Variants in TGFBR3 observed in about 807,000 individuals in gnomAD.
The protein encoded by TGFBR3 is transforming growth factor beta receptor type 3.
A neutral mutation model predicts 87.9 loss-of-function variants in TGFBR3; 46 were observed. The ratio of observed to expected loss-of-function variants is 0.52; its 90% CI spans 0.41 to 0.67. TGFBR3 has a LOEUF of 0.67. TGFBR3 is among the 30% of genes least tolerant of loss of function. The pLI, the probability that TGFBR3 is intolerant of heterozygous loss-of-function variation, is 0.00. For missense variants in TGFBR3, 866 were observed against 1,041.9 expected (o/e 0.83, Z 2.32); for synonymous variants, 381 against 391.6 (o/e 0.97, Z 0.32).
At chr1:91,898,105 G>GA (rs1365628330) in intron 2 of TGFBR3, among the ~76,000 whole-genome samples, 50 of 150,280 alleles carry the variant, frequency 3.3e-4, no homozygotes, top group African/African-American at 1.1e-3. Flanking sequence ...AGGAAAAAAA[G>GA]AAAAAAAATT....
In TGFBR3 at chr1:91,734,822, G is replaced by C; in HGVS notation, c.522C>G (p.Phe174Leu). ...TGTTTCTTGCTATCTTGAGTTCGGT[G>C]AATGAAGTAACTGCTCCATACTCTT... ...ARKEYGAVTS[F>L]TELKIARNIY... is the part of the protein sequence containing the mutation. Residue 174 changes from phenylalanine (F) to leucine (L), a missense_variant, in exon 5 of 17, where the codon TTC becomes TTG. Physicochemically the swap from Phe to Leu is conservative, Grantham distance 22 (BLOSUM62 0). Transcript: ENST00000212355. The C allele has an allele frequency of 2.5e-6, 4 of 1,614,238 alleles. No individual in the cohort carries two copies. Among genetic ancestry groups the C allele is most frequent in the Non-Finnish European group, 2.5e-6 (3 of 1,180,024 alleles).
intron 16 of TGFBR3, among the ~76,000 whole-genome samples, chr1:91,688,325 A>G (rs1414212106): frequency 6.6e-6 from 1 of 152,154 alleles, no homozygotes; most frequent in African/African-American, 2.4e-5. Context: ...AACTAAGAAG[A>G]AGAAGAAAAG....
Position 91,719,935 on chromosome 1 carries a change from G to A in TGFBR3, c.1371C>T (p.Asp457=). 6.2e-7 allele frequency: 1 copy of A among 1,614,150 alleles called. No homozygotes were observed. The highest frequency in any genetic ancestry group is 8.5e-7 in the Non-Finnish European group (1 of 1,180,034). Residue 457 remains aspartate (D), a synonymous_variant, in exon 9 of 17, where the codon GAC becomes GAT. Transcript: ENST00000212355. ...CTACAGCCACGATCATCTTCTCATTGTCACATTTGACAGACAGGGCAATAT... is the reference window on the plus strand; with the variant it reads ...CTACAGCCACGATCATCTTCTCATTATCACATTTGACAGACAGGGCAATAT... ...SVDIALSVKC[D]NEKMIVAVEK...
At chr1:91,884,512 G>A (rs547607053) in intron 1 of TGFBR3, among the ~76,000 whole-genome samples, 1 of 152,290 alleles carries the variant, frequency 6.6e-6, no homozygotes, top group East Asian at 1.9e-4. Flanking sequence ...AAAGATGGGA[G>A]AAGATGCATG....
chr1:91,784,564 T>C (rs1256988148), intron 3 of TGFBR3, among the ~76,000 whole-genome samples: 1 of 152,084 alleles, frequency 6.6e-6, no homozygotes, highest in Non-Finnish European at 1.5e-5. Context: ...TTCAGAGCGA[T>C]GTTTAGAAAA....
At chr1:91,781,004 A>G (rs1048614508) in intron 3 of TGFBR3, among the ~76,000 whole-genome samples, 1 of 151,814 alleles carries the variant, frequency 6.6e-6, no homozygotes, top group Non-Finnish European at 1.5e-5. Flanking sequence ...TGATGAACTG[A>G]TGTGTGAACA....
chr1:91,766,005 G>A (rs1284698376), intron 3 of TGFBR3, among the ~76,000 whole-genome samples: 2 of 151,866 alleles, frequency 1.3e-5, no homozygotes, highest in Non-Finnish European at 2.9e-5. Flanking sequence ...ATATAACTAT[G>A]TGCTATACAA....
At chr1:91,702,875 T>C (rs972717691) in intron 14 of TGFBR3, among the ~76,000 whole-genome samples, 4 of 152,094 alleles carry the variant, frequency 2.6e-5, no homozygotes, top group African/African-American at 9.7e-5. Context: ...TGAAACCCTG[T>C]ATCTATTAAA....
At chr1:91,820,898 A>G (rs569781440) in intron 2 of TGFBR3, among the ~76,000 whole-genome samples, 6 of 152,360 alleles carry the variant, frequency 3.9e-5, no homozygotes, top group African/African-American at 1.2e-4. Context: ...GATTAAATGG[A>G]TAACTCTAAC....
chr1:91,698,796 T>C (rs1043257719), intron 14 of TGFBR3, among the ~76,000 whole-genome samples: 1 of 152,226 alleles, frequency 6.6e-6, no homozygotes, highest in South Asian at 2.1e-4. Flanking sequence ...CGCGAGCCAC[T>C]GCGCCCAGCC....
chr1:91,761,968 C>G (rs986867670), intron 3 of TGFBR3, among the ~76,000 whole-genome samples: 23 of 152,278 alleles, frequency 1.5e-4, no homozygotes, highest in East Asian at 5.8e-4. Context: ...ATCCAGAAAT[C>G]TCCAGCTTGG....
At chr1:91,749,539 G>A (rs1223802686) in intron 4 of TGFBR3, among the ~76,000 whole-genome samples, 1 of 152,224 alleles carries the variant, frequency 6.6e-6, no homozygotes, top group Non-Finnish European at 1.5e-5. Context: ...TGCGAAATCA[G>A]AAGTAGCTTC....
intron 14 of TGFBR3, among the ~76,000 whole-genome samples, chr1:91,704,832 GA>G (rs1557666424): frequency 6.6e-6 from 1 of 152,188 alleles, no homozygotes; most frequent in Non-Finnish European, 1.5e-5. Flanking sequence ...GAGGAATCCA[GA>G]AACATTTTTA....
intron 16 of TGFBR3, among the ~76,000 whole-genome samples, chr1:91,685,574 G>A (rs1671063824): frequency 6.6e-6 from 1 of 151,966 alleles, no homozygotes; most frequent in Non-Finnish European, 1.5e-5. Flanking sequence ...GGCCCACCTT[G>A]GCCTTCCATA....
At chr1:91,717,840 A>T (rs1672226016) in intron 10 of TGFBR3, among the ~76,000 whole-genome samples, 1 of 151,770 alleles carries the variant, frequency 6.6e-6, no homozygotes, top group Admixed American at 6.6e-5. Context: ...ACTTTAAGGG[A>T]TCATTACATG....
rs3039477 is a variant in TGFBR3 at position 91,860,934 on chromosome 1, C to CAAA, written c.61+534_61+536dup. 4.0e-3 allele frequency among the ~76,000 whole-genome samples: 142 copies of CAAA among 35,634 alleles called. 22 individuals carry two copies. The highest frequency in any genetic ancestry group is 6.1e-3 in the African/African-American group (63 of 10,330). 23.4% of individuals were successfully genotyped at this position (35,634 alleles called of 152,430 possible). ...GTGACAGAGCAAGACTCTGTCTCCA[C>CAAA]AAAAAAAAAAAAAAAAAAAAAAAAA... On this transcript the variant is annotated intron_variant, in intron 2 of 16. Coordinates refer to ENST00000212355, the MANE Select transcript of TGFBR3 (RefSeq NM_003243.5).
rs1045528141 is a variant in TGFBR3, at chr1:91,717,527, T to C, written c.1567-819A>G. ...GATGAGAAAATTCACCCAAGGGTCA[T>C]GACGCCATAAATGAAATCCTAATTT... On this transcript the variant is annotated intron_variant, in intron 10 of 16. Coordinates refer to ENST00000212355, the MANE Select transcript of TGFBR3 (RefSeq NM_003243.5). Among the ~76,000 whole-genome samples the C allele has an allele frequency of 4.6e-5, 7 of 152,318 alleles. No individual in the cohort carries two copies. In the East Asian group the frequency reaches 9.6e-4, roughly 21 times the overall value.
intron 3 of TGFBR3, among the ~76,000 whole-genome samples, chr1:91,765,375 T>C (rs1297728711): frequency 6.6e-6 from 1 of 151,758 alleles, no homozygotes; most frequent in African/African-American, 2.4e-5. Flanking sequence ...TACAGAGTCA[T>C]ATTGACCTGT....
chr1:91,804,537 G>A (rs139012077), intron 2 of TGFBR3, among the ~76,000 whole-genome samples: 3 of 152,232 alleles, frequency 2.0e-5, no homozygotes, highest in Non-Finnish European at 2.9e-5. Flanking sequence ...CAATGCCAGG[G>A]CCAGCTCCAT....
Sources: allele counts gnomAD v4.1 joint callset (sites outside exome capture counted in the v4.1 genomes callset), GRCh38; gene constraint gnomAD v4.1.1; transcripts MANE v1.5; gene names NCBI Gene and HGNC (gene_info 2026-07-23, HGNC 2026-07-21).